ZFAND2A: variants seen among roughly 807,000 people sequenced by gnomAD.
The protein encoded by ZFAND2A is AN1-type zinc finger protein 2A.
ZFAND2A carries 20 observed loss-of-function variants against 11.6 expected under a neutral mutation model. The ratio of observed to expected loss-of-function variants is 1.72; its 90% CI spans 1.21 to 2.50. ZFAND2A has a LOEUF of 2.50. Ranked by LOEUF, ZFAND2A falls within the 30% of genes most tolerant of loss-of-function variation. The pLI is 0.00. For missense variants in ZFAND2A, 234 were observed against 182.9 expected, an observed-to-expected ratio of 1.28 and a Z score of -1.61; for synonymous variants, 93 against 60.6, an observed-to-expected ratio of 1.54 and a Z score of -2.48.
At chr7:1,152,113 C>T, downstream of ZFAND2A, 3 of 1,212,672 alleles carry the variant, frequency 2.5e-6, no homozygotes, top group Non-Finnish European at 3.3e-6. Flanking sequence ...AGTCCTGTGT[C>T]CTTCATCCAT....
At chr7:1,156,870 T>C (rs891681361) in intron 3 of ZFAND2A, among the ~76,000 whole-genome samples, 4 of 152,182 alleles carry the variant, frequency 2.6e-5, no homozygotes, top group African/African-American at 9.7e-5. Flanking sequence ...GAAGACAAGC[T>C]GGGCAGTCTG....
At chr7:1,150,594 G>T (rs957403686), downstream of ZFAND2A, among the ~76,000 whole-genome samples, 1 of 152,122 alleles carries the variant, frequency 6.6e-6, no homozygotes, top group African/African-American at 2.4e-5. Flanking sequence ...AGGCCACGAA[G>T]GCCGCATCTG....
At chr7:1,150,887 CTTTTT>C (rs10568309), downstream of ZFAND2A, among the ~76,000 whole-genome samples, 42 of 128,088 alleles carry the variant, frequency 3.3e-4, no homozygotes, top group Middle Eastern at 8.0e-3. Flanking sequence ...ACAACTGTGC[CTTTTT>C]TTTTTTTTTT....
intron 2 of ZFAND2A, 128 bp downstream of exon 2, chr7:1,158,030 T>C (rs1793573102): frequency 3.1e-6 from 3 of 975,024 alleles, no homozygotes; most frequent in African/African-American, 1.6e-5. Flanking sequence ...AAACAGAACC[T>C]GCACCAGCAC....
intron 1 of ZFAND2A, 135 bp from the exon 2 acceptor site, chr7:1,158,392 A>C (rs1584031008): frequency 3.4e-6 from 2 of 596,638 alleles, no homozygotes. Context: ...TAGTACAAAT[A>C]CCAGGTGTCC....
intron 4 of ZFAND2A, 115 bp from the exon 5 acceptor site, chr7:1,153,339 C>G (rs1793444852): frequency 8.6e-7 from 1 of 1,160,044 alleles, no homozygotes. Context: ...CCTCTGCCTC[C>G]TGGACTCAAG....
chr7:1,158,385 T>A lies in ZFAND2A; in HGVS notation c.-45-128A>T, dbSNP rs957992752. 1.8e-5 allele frequency: 11 copies of A among 621,648 alleles called. No homozygotes were observed. The African/African-American group carries it at 2.0e-4, about 11-fold the overall frequency. 38.5% of individuals were successfully genotyped at this position (621,648 alleles called of 1,614,324 possible). A position where few individuals can be genotyped will look rare whatever the true frequency, so the allele number is the denominator to read the frequency against. ...TGGGGAGCATTCCATGGAGTTTTAG[T>A]ACAAATACCAGGTGTCCGCCATTCG... is the stretch of plus-strand genomic sequence containing the variant. On this transcript the variant is annotated intron_variant, in intron 1 of 4. Coordinates refer to ENST00000316495, the MANE Select transcript of ZFAND2A (RefSeq NM_182491.4).
intron 4 of ZFAND2A, 25 bp from the exon 5 acceptor site, chr7:1,153,249 A>C: frequency 3.7e-6 from 6 of 1,603,782 alleles, no homozygotes; most frequent in Non-Finnish European, 5.1e-6. Flanking sequence ...TGACTTCAAC[A>C]AGCAATTCTT....
chr7:1,149,461 C>A (rs1032445433), downstream of ZFAND2A, among the ~76,000 whole-genome samples: 3 of 152,190 alleles, frequency 2.0e-5, no homozygotes, highest in African/African-American at 7.2e-5. Context: ...GGTCCAGCAC[C>A]CTCCCGTAAG....
intron 3 of ZFAND2A, among the ~76,000 whole-genome samples, chr7:1,156,087 T>C (rs7785741): frequency 0.01 from 1,472 of 145,228 alleles, 33 homozygotes; most frequent in African/African-American, 0.039. Flanking sequence ...CAGGCCAAGG[T>C]TGTGAGGGCT....
downstream of ZFAND2A, among the ~76,000 whole-genome samples, chr7:1,149,166 T>C (rs1350228136): frequency 2.0e-5 from 3 of 152,176 alleles, no homozygotes; most frequent in African/African-American, 7.2e-5. Flanking sequence ...ATTAAAAACA[T>C]TTTTTCATTA....
downstream of ZFAND2A, among the ~76,000 whole-genome samples, chr7:1,151,652 G>A (rs565972264): frequency 5.3e-5 from 8 of 151,368 alleles, no homozygotes; most frequent in South Asian, 2.1e-4. Flanking sequence ...CCAGCTACTC[G>A]GGAGGCTGAG....
At chr7:1,154,022 G>A (rs1793461924) in intron 4 of ZFAND2A, among the ~76,000 whole-genome samples, 1 of 152,100 alleles carries the variant, frequency 6.6e-6, no homozygotes, top group African/African-American at 2.4e-5. Context: ...GCTGCTGGGA[G>A]GACAACAGAG....
chr7:1,150,672 T>G (rs933750948), downstream of ZFAND2A, among the ~76,000 whole-genome samples: 2 of 152,176 alleles, frequency 1.3e-5, no homozygotes, highest in Non-Finnish European at 2.9e-5. Flanking sequence ...TTTCTGCTCT[T>G]CAAACCTATA....
chr7:1,152,411 TGCAGGTAA>T (rs1793416696), downstream of ZFAND2A: 1 of 1,452,414 alleles, frequency 6.9e-7, no homozygotes, highest in Non-Finnish European at 9.2e-7. Context: ...CACAGCTTCC[TGCAGGTAA>T]GCAACTACCA....
At chr7:1,149,290 T>C (rs2128256420), downstream of ZFAND2A, among the ~76,000 whole-genome samples, 1 of 152,380 alleles carries the variant, frequency 6.6e-6, no homozygotes, top group Admixed American at 6.5e-5. Flanking sequence ...AACACTGTGC[T>C]GGCTGCGTTT....
chr7:1,158,912 G>A (rs1023802240), intron 1 of ZFAND2A, among the ~76,000 whole-genome samples: 19 of 151,780 alleles, frequency 1.3e-4, no homozygotes, highest in African/African-American at 4.4e-4. Context: ...GGCTCACGAG[G>A]TCCCGTCATC....
intron 4 of ZFAND2A, among the ~76,000 whole-genome samples, chr7:1,153,961 A>G (rs536830945): frequency 6.6e-6 from 1 of 152,122 alleles, no homozygotes; most frequent in East Asian, 1.9e-4. Context: ...AAGAAAAAAA[A>G]AAGCCGGTCA....
At chr7:1,159,309 G>C (rs546075193) in intron 1 of ZFAND2A, among the ~76,000 whole-genome samples, 1 of 152,198 alleles carries the variant, frequency 6.6e-6, no homozygotes, top group Non-Finnish European at 1.5e-5. Flanking sequence ...CCCGTCCTAG[G>C]AAACCAACAC....
Sources: gnomAD v4.1 joint callset for allele counts (sites outside exome capture counted in the v4.1 genomes callset) on GRCh38, gnomAD v4.1.1 for gene constraint, MANE v1.5 for transcripts, NCBI Gene and HGNC (gene_info 2026-07-23, HGNC 2026-07-21) for gene names.